PPFIBP1: variants seen among roughly 807,000 people sequenced by gnomAD.
PPFIBP1 encodes the protein liprin-beta-1.
A neutral mutation model predicts 137.8 loss-of-function variants in PPFIBP1; 112 were observed. The observed-to-expected ratio is 0.81, with a 90% CI of 0.70 to 0.95. PPFIBP1 has a LOEUF of 0.95. PPFIBP1 is among the 40% of genes least tolerant of loss of function. PPFIBP1 has a pLI of 0.00. For missense variants in PPFIBP1, 1,083 were observed against 1,196.6 expected (o/e 0.91, Z 1.40); for synonymous variants, 378 against 417.3 (o/e 0.91, Z 1.15).
intron 2 of PPFIBP1, among the ~76,000 whole-genome samples, chr12:27,620,039 A>G (rs1327591473): frequency 1.3e-5 from 2 of 151,914 alleles, no homozygotes; most frequent in Admixed American, 6.6e-5. Flanking sequence ...CTAGTGTCCC[A>G]TCACCATCTC....
At chr12:27,632,923 A>G (rs2057361557) in intron 2 of PPFIBP1, among the ~76,000 whole-genome samples, 1 of 152,200 alleles carries the variant, frequency 6.6e-6, no homozygotes, top group Non-Finnish European at 1.5e-5. Flanking sequence ...TCTTAGACAA[A>G]TCTTAAGCCC....
chr12:27,554,463 ACAGT>A (rs1343494332), intron 1 of PPFIBP1, among the ~76,000 whole-genome samples: 1 of 152,254 alleles, frequency 6.6e-6, no homozygotes. Flanking sequence ...ACAGCTGATG[ACAGT>A]CAGAATCCAG....
intron 1 of PPFIBP1, among the ~76,000 whole-genome samples, chr12:27,540,191 G>A (rs1338973358): frequency 1.3e-5 from 2 of 151,380 alleles, no homozygotes; most frequent in African/African-American, 4.9e-5. Context: ...CCATGTAGTA[G>A]GATTATAGGC....
intron 5 of PPFIBP1, chr12:27,646,389 C>G (rs2058491317): frequency 5.9e-6 from 3 of 508,270 alleles, no homozygotes. Flanking sequence ...AATACGGGCA[C>G]AATGTTGTCT....
chr12:27,590,442 C>T (rs1370787160), intron 2 of PPFIBP1, among the ~76,000 whole-genome samples: 9 of 152,166 alleles, frequency 5.9e-5, no homozygotes, highest in Admixed American at 2.0e-4. Flanking sequence ...TCCCAAAGTG[C>T]TGAGATTACA....
chr12:27,635,245 A>G lies in PPFIBP1; in HGVS notation c.270+130A>G. On this transcript the variant is annotated intron_variant, in intron 4 of 29. Transcript: ENST00000228425. Reference sequence around the variant, plus strand: ...ATGTGCTCCGATTTTATTACTTAAGATATCTTAATTTTCTTTTGACTCTAA... The same window carrying G: ...ATGTGCTCCGATTTTATTACTTAAGGTATCTTAATTTTCTTTTGACTCTAA... The G allele has an allele frequency of 4.8e-6, 4 of 833,548 alleles. No individual in the cohort carries two copies. In the South Asian group the frequency reaches 5.1e-5, roughly 11 times the overall value. 51.6% of individuals were successfully genotyped at this position (833,548 alleles called of 1,614,324 possible). A position where few individuals can be genotyped will look rare whatever the true frequency, so the allele number is the denominator to read the frequency against.
At position 27,673,786 on chromosome 12, in the gene PPFIBP1, TC is replaced by T. The variant is rs1283316921; in HGVS notation, c.1341del (p.Ser448AlafsTer6). On this transcript the variant is annotated frameshift_variant, in exon 16 of 30. Coordinates refer to ENST00000228425, the MANE Select transcript of PPFIBP1 (RefSeq NM_003622.4). LOFTEE classifies it high-confidence loss of function. ...TTTTAGAACTTCAAGTCTGCAGAAG[TC>T]CAGCAGCCTGGGCAATCTGAAGAAA... is the stretch of plus-strand genomic sequence containing the variant. ...DKLLTSSLQK[S>X]SSLGNLKKET... 1 of 1,613,492 alleles carries T rather than the reference TC, an allele frequency of 6.2e-7. No homozygotes were observed. The highest frequency in any genetic ancestry group is 8.5e-7 in the Non-Finnish European group (1 of 1,179,682).
At chr12:27,636,256 C>A (rs2057662859) in intron 4 of PPFIBP1, 1 of 151,502 alleles carries the variant, frequency 6.6e-6, no homozygotes, top group Admixed American at 6.6e-5. Flanking sequence ...GCTACACAAA[C>A]TGGAGTTATT....
At chr12:27,619,194 A>G (rs1453318064) in intron 2 of PPFIBP1, among the ~76,000 whole-genome samples, 1 of 152,160 alleles carries the variant, frequency 6.6e-6, no homozygotes, top group Non-Finnish European at 1.5e-5. Flanking sequence ...ATCAAAATCC[A>G]GAGATGCTCA....
At chr12:27,613,764 G>A (rs2138254584) in intron 2 of PPFIBP1, among the ~76,000 whole-genome samples, 1 of 151,760 alleles carries the variant, frequency 6.6e-6, no homozygotes, top group Middle Eastern at 3.5e-3. Flanking sequence ...CCCAGCAATA[G>A]TTCAGTAGTT....
chr12:27,592,947 C>T (rs1176600387), intron 2 of PPFIBP1, among the ~76,000 whole-genome samples: 1 of 151,898 alleles, frequency 6.6e-6, no homozygotes, highest in African/African-American at 2.4e-5. Context: ...CGAGACAAGC[C>T]TGGCCAACAT....
At chr12:27,569,494 CCCTT>C (rs2049962833) in intron 1 of PPFIBP1, among the ~76,000 whole-genome samples, 1 of 152,154 alleles carries the variant, frequency 6.6e-6, no homozygotes, top group South Asian at 2.1e-4. Context: ...CAAAAAGTCT[CCCTT>C]CCTCATTCTC....
chr12:27,532,952 A>G (rs1944570137), intron 1 of PPFIBP1, among the ~76,000 whole-genome samples: 1 of 152,160 alleles, frequency 6.6e-6, no homozygotes, highest in African/African-American at 2.4e-5. Flanking sequence ...GTATATGGGC[A>G]AGGGGAGGGA....
chr12:27,576,118 T>C (rs2050537497), intron 1 of PPFIBP1, among the ~76,000 whole-genome samples: 1 of 152,230 alleles, frequency 6.6e-6, no homozygotes, highest in African/African-American at 2.4e-5. Context: ...ATACTTATTT[T>C]CTCATAATCC....
chr12:27,680,311 C>G (rs903203721), intron 21 of PPFIBP1, among the ~76,000 whole-genome samples: 48 of 152,158 alleles, frequency 3.2e-4, no homozygotes, highest in African/African-American at 1.1e-3. Context: ...GAATGGCTCT[C>G]AGACTTAAAT....
intron 24 of PPFIBP1, 100 bp from the exon 25 acceptor site, chr12:27,687,285 G>A (rs976371181): frequency 1.5e-5 from 22 of 1,424,992 alleles, no homozygotes; most frequent in Non-Finnish European, 2.1e-5. Flanking sequence ...ATTGGTTTGA[G>A]GGGCTCTTCT....
intron 23 of PPFIBP1, 21 bp downstream of exon 23, chr12:27,682,519 C>T (rs2060934458): frequency 6.2e-7 from 1 of 1,603,974 alleles, no homozygotes; most frequent in Non-Finnish European, 8.5e-7. Flanking sequence ...TTTATTCTAA[C>T]AAAATGAAAT....
At chr12:27,613,711 A>G (rs980040629) in intron 2 of PPFIBP1, among the ~76,000 whole-genome samples, 32 of 152,008 alleles carry the variant, frequency 2.1e-4, no homozygotes, top group African/African-American at 7.5e-4. Flanking sequence ...TCAAAAAAAA[A>G]AAAAAAGAAA....
At chr12:27,583,537 A>G (rs1036886345) in intron 2 of PPFIBP1, among the ~76,000 whole-genome samples, 1 of 147,002 alleles carries the variant, frequency 6.8e-6, no homozygotes, top group Non-Finnish European at 1.5e-5. Flanking sequence ...TTCATGGTCT[A>G]TATTGGTCCT....
Sources: allele counts gnomAD v4.1 joint callset (sites outside exome capture counted in the v4.1 genomes callset), GRCh38; gene constraint gnomAD v4.1.1; transcripts MANE v1.5; gene names NCBI Gene and HGNC (gene_info 2026-07-23, HGNC 2026-07-21).